SLC22A25: variants seen among roughly 807,000 people sequenced by gnomAD.
The protein encoded by SLC22A25 is MGI:2442751, MGI:2385316, MGI:3042283, MGI:3645714, MGI:3605624, MGI:2442750.
In SLC22A25, 44 loss-of-function variants were observed where a neutral mutation model predicts 45.9. The ratio of observed to expected loss-of-function variants is 0.96; its 90% CI spans 0.75 to 1.23. The LOEUF (loss-of-function observed/expected upper bound fraction) is 1.23. SLC22A25 is among the 50% of genes most tolerant of loss of function. The pLI is 0.00. For synonymous variants in SLC22A25, 283 were observed against 238.6 expected (o/e 1.19, Z -1.72); for missense variants, 800 against 666.4 (o/e 1.20, Z -2.21).
chr11:63,221,403 C>T (rs1038689627), intron 5 of SLC22A25, among the ~76,000 whole-genome samples: 1 of 152,022 alleles, frequency 6.6e-6, no homozygotes, highest in African/African-American at 2.4e-5. Flanking sequence ...TTTTCATATA[C>T]CTGTTTGTTT....
rs1226870443 is a variant in SLC22A25, at chr11:63,159,910, G to A, written c.*3914C>T. On this transcript the variant is annotated 3_prime_UTR_variant, in exon 12 of 12. Coordinates refer to ENST00000306494, the MANE Select transcript of SLC22A25 (RefSeq NM_199352.6). ...CTATATTTTAGTAAAGAGACTGGCA[G>A]CGTTTACTCCTGTCCTAGAGATTTG... Among the ~76,000 whole-genome samples the A allele has an allele frequency of 6.6e-6, 1 of 152,198 alleles. No homozygotes were observed. The highest frequency in any genetic ancestry group is 6.5e-5 in the Admixed American group (1 of 15,278).
chr11:63,206,014 A>G (rs939954714), intron 7 of SLC22A25, among the ~76,000 whole-genome samples: 1 of 152,204 alleles, frequency 6.6e-6, no homozygotes, highest in African/African-American at 2.4e-5. Flanking sequence ...CCATCACATA[A>G]ACAGAACAAA....
At chr11:63,176,629 C>T (rs2088099051) in intron 9 of SLC22A25, among the ~76,000 whole-genome samples, 1 of 151,954 alleles carries the variant, frequency 6.6e-6, no homozygotes, top group Admixed American at 6.6e-5. Flanking sequence ...ATTTTTACCT[C>T]TAAGATCATA....
intron 7 of SLC22A25, among the ~76,000 whole-genome samples, chr11:63,215,702 A>G (rs966714665): frequency 6.6e-6 from 1 of 152,108 alleles, no homozygotes; most frequent in African/African-American, 2.4e-5. Flanking sequence ...TTTGTTGTAC[A>G]TATTTTTTCA....
rs1413573306 is a variant in SLC22A25 at position 63,229,685 on chromosome 11, A to C, written c.-33T>G. 1.3e-6 allele frequency: 2 copies of C among 1,578,778 alleles called. No homozygotes were observed. The highest frequency in any genetic ancestry group is 1.4e-5 in the African/African-American group (1 of 73,940). ...GGACAAGTGATCCCCAAGAGGAGAC[A>C]AAATGACTGTATCCAGATAAGTTCA... On this transcript the variant is annotated 5_prime_UTR_variant, in exon 4 of 12. Transcript: ENST00000306494.
chr11:63,181,001 A>G (rs1360423970), intron 8 of SLC22A25, among the ~76,000 whole-genome samples: 1 of 152,152 alleles, frequency 6.6e-6, no homozygotes, highest in Non-Finnish European at 1.5e-5. Context: ...TTTAGACAAG[A>G]GATTTAATTG....
chr11:63,235,940 G>A (rs919774626), intron 3 of SLC22A25, among the ~76,000 whole-genome samples: 15 of 152,172 alleles, frequency 9.9e-5, no homozygotes, highest in East Asian at 1.9e-4. Flanking sequence ...TATCAGCAGC[G>A]GTGGCTGCAG....
chr11:63,209,861 A>G (rs2089510816), intron 7 of SLC22A25, among the ~76,000 whole-genome samples: 1 of 152,224 alleles, frequency 6.6e-6, no homozygotes, highest in Non-Finnish European at 1.5e-5. Context: ...TTAATCAGGC[A>G]GCTCTCAGCT....
intron 7 of SLC22A25, among the ~76,000 whole-genome samples, chr11:63,192,154 A>G (rs1161115649): frequency 6.6e-6 from 1 of 152,184 alleles, no homozygotes; most frequent in Non-Finnish European, 1.5e-5. Context: ...GAAACCCCCT[A>G]CAAGCCAGAA....
intron 7 of SLC22A25, among the ~76,000 whole-genome samples, chr11:63,188,662 T>C (rs58623338): frequency 0.042 from 6,359 of 152,334 alleles, 141 homozygotes; most frequent in Non-Finnish European, 0.056. Flanking sequence ...GGATCTTTCC[T>C]GCTTTCTCTT....
At chr11:63,179,447 C>T (rs796982335) in intron 9 of SLC22A25, among the ~76,000 whole-genome samples, 15 of 152,232 alleles carry the variant, frequency 9.9e-5, no homozygotes, top group African/African-American at 3.6e-4. Flanking sequence ...TGGGGACCTT[C>T]AATTCTACTC....
At chr11:63,187,152 T>C (rs1176728626) in intron 7 of SLC22A25, among the ~76,000 whole-genome samples, 1 of 152,148 alleles carries the variant, frequency 6.6e-6, no homozygotes, top group African/African-American at 2.4e-5. Flanking sequence ...GCCATTTTCA[T>C]GATATTGAAT....
intron 1 of SLC22A25, among the ~76,000 whole-genome samples, 166 bp from the exon 2 acceptor site, chr11:63,239,301 T>TTAGA (rs2134863944): frequency 6.6e-6 from 1 of 152,304 alleles, no homozygotes; most frequent in South Asian, 2.1e-4. Context: ...CATTTGGGGA[T>TTAGA]TAGATAGCAA....
At chr11:63,239,913 T>C (rs2090220566) in intron 1 of SLC22A25, among the ~76,000 whole-genome samples, 2 of 152,328 alleles carry the variant, frequency 1.3e-5, no homozygotes, top group South Asian at 4.1e-4. Flanking sequence ...ATATTCACAC[T>C]CTGATATAAA....
chr11:63,185,399 G>A (rs1397307636), intron 7 of SLC22A25, among the ~76,000 whole-genome samples: 1 of 151,514 alleles, frequency 6.6e-6, no homozygotes, highest in Non-Finnish European at 1.5e-5. Flanking sequence ...TTGGTTTTCT[G>A]TCCTTGCGAT....
chr11:63,231,251 G>A (rs58426567), intron 3 of SLC22A25, among the ~76,000 whole-genome samples: 2,631 of 152,298 alleles, frequency 0.017, 55 homozygotes, highest in African/African-American at 0.048. Context: ...GGTTGAACTA[G>A]TTTACAGTCC....
chr11:63,217,386 A>G lies in SLC22A25; in HGVS notation c.758T>C (p.Phe253Ser), dbSNP rs2134815798. Reference protein sequence around the residue: ...IGHITLGSLAFVIRDQCILQL... With the variant: ...IGHITLGSLASVIRDQCILQL... ...GAGGATGCACTGGTCTCGAATGACA[A>G]AAGCCAGGCTTCCCAGGGTTATATG... The change falls in exon 7 of 12, where the codon TTT becomes TCT. Residue 253 changes from phenylalanine to serine, a missense_variant. By Grantham distance (155) the Phe-to-Ser change is radical. Transcript: ENST00000306494. 6.2e-7 allele frequency: 1 copy of G among 1,614,004 alleles called. No homozygotes were observed. The highest frequency in any genetic ancestry group is 2.2e-5 in the East Asian group (1 of 44,838).
chr11:63,161,832 T>G lies in SLC22A25; in HGVS notation c.*1992A>C, dbSNP rs1565052916. ...ATGTTAGCTCTATTTTTAATTTTTT[T>G]GAGGAATCTCCAAACTCTTCTCCAT... On this transcript the variant is annotated 3_prime_UTR_variant, in exon 12 of 12. Coordinates refer to ENST00000306494, the MANE Select transcript of SLC22A25 (RefSeq NM_199352.6). Among the ~76,000 whole-genome samples, 1 of 152,240 alleles carries G rather than the reference T, an allele frequency of 6.6e-6. No individual in the cohort carries two copies. Among genetic ancestry groups the G allele is most frequent in the African/African-American group, 2.4e-5 (1 of 41,458 alleles).
At chr11:63,167,415 G>A (rs2087724079) in intron 9 of SLC22A25, 1 of 152,316 alleles carries the variant, frequency 6.6e-6, no homozygotes, top group Non-Finnish European at 1.5e-5. Context: ...AAGAACCACT[G>A]GCTTGAAATT....
Sources: allele counts gnomAD v4.1 joint callset (sites outside exome capture counted in the v4.1 genomes callset), GRCh38; gene constraint gnomAD v4.1.1; transcripts MANE v1.5; gene names NCBI Gene and HGNC (gene_info 2026-07-23, HGNC 2026-07-21).